ADAM12: variants seen among roughly 807,000 people sequenced by gnomAD.
ADAM12 encodes the protein ADAM metallopeptidase domain 12.
A neutral mutation model predicts 106.4 loss-of-function variants in ADAM12; 70 were observed. That is an observed-to-expected ratio of 0.66 (90% CI 0.54 to 0.80). The LOEUF (loss-of-function observed/expected upper bound fraction) is 0.80, where lower values mean the gene tolerates loss of function less well. Among genes scored for constraint, ADAM12 ranks in the 30% least tolerant of loss-of-function variants. The pLI, the probability that ADAM12 is intolerant of heterozygous loss-of-function variation, is 0.00. For synonymous variants in ADAM12, 420 were observed against 433.5 expected, an observed-to-expected ratio of 0.97 and a Z score of 0.39; for missense variants, 1,010 against 1,171.9, an observed-to-expected ratio of 0.86 and a Z score of 2.02.
chr10:126,335,995 T>C (rs929603258), intron 1 of ADAM12, among the ~76,000 whole-genome samples: 43 of 152,352 alleles, frequency 2.8e-4, no homozygotes, highest in Non-Finnish European at 5.4e-4. Context: ...TCTGAGGTAC[T>C]GTCACAGACA....
Position 126,279,078 on chromosome 10 carries a change from G to A in ADAM12, c.187-90C>T, listed in dbSNP as rs1959423735. Reference sequence around the variant, plus strand: ...AGACCCACAGGCGTAGTCAAATGAGGGAATAAACGATGCGGTCAACCTAAG... The same window carrying A: ...AGACCCACAGGCGTAGTCAAATGAGAGAATAAACGATGCGGTCAACCTAAG... On this transcript the variant is annotated intron_variant, in intron 2 of 22. Coordinates refer to ENST00000448723, the MANE Select transcript of ADAM12 (RefSeq NM_001288973.2). 7 of 947,962 alleles carry A rather than the reference G, an allele frequency of 7.4e-6. No individual in the cohort carries two copies. In the South Asian group the frequency reaches 9.9e-5, roughly 13 times the overall value. 58.7% of individuals were successfully genotyped at this position (947,962 alleles called of 1,614,324 possible).
Position 126,388,393 on chromosome 10 carries a change from T to C in ADAM12, c.-248A>G, listed in dbSNP as rs1441987762. The C allele has an allele frequency of 2.7e-6, 1 of 368,128 alleles. No individual in the cohort carries two copies. The highest frequency in any genetic ancestry group is 5.1e-5 in the Admixed American group (1 of 19,800). 22.8% of individuals were successfully genotyped at this position (368,128 alleles called of 1,614,324 possible). On this transcript the variant is annotated 5_prime_UTR_variant, in exon 1 of 23. Transcript: ENST00000448723. The surrounding 1 kb of genome is among the most constrained non-coding windows in gnomAD (Gnocchi z 4.4). ...GCGCCGTTCTGGCACAAGCCAGCCT[T>C]GACCGTTGCAATAAATGAGCAAACT...
At chr10:126,117,046 C>T (rs144452031) in intron 6 of ADAM12, among the ~76,000 whole-genome samples, 10 of 152,316 alleles carry the variant, frequency 6.6e-5, no homozygotes, top group African/African-American at 2.4e-4. Context: ...GACATCCTAT[C>T]TATAAATTTT....
intron 11 of ADAM12, chr10:126,090,841 C>T (rs1361447343): frequency 6.6e-6 from 1 of 152,198 alleles, no homozygotes; most frequent in Non-Finnish European, 1.5e-5. Flanking sequence ...AAAGAATAAA[C>T]AAGGTATATG....
intron 3 of ADAM12, among the ~76,000 whole-genome samples, chr10:126,185,693 G>C (rs1054158367): frequency 6.6e-5 from 10 of 151,990 alleles, no homozygotes; most frequent in Non-Finnish European, 1.0e-4. Flanking sequence ...GGAGCAATTA[G>C]AGAAACAGAG....
intron 8 of ADAM12, among the ~76,000 whole-genome samples, chr10:126,104,537 G>A (rs887114874): frequency 6.6e-6 from 1 of 152,022 alleles, no homozygotes; most frequent in African/African-American, 2.4e-5. Context: ...TGAATTTGCA[G>A]CTGACACTAA....
At chr10:126,263,665 G>A (rs1422119460) in intron 3 of ADAM12, among the ~76,000 whole-genome samples, 1 of 152,144 alleles carries the variant, frequency 6.6e-6, no homozygotes, top group Non-Finnish European at 1.5e-5. Context: ...ATTAATTTAT[G>A]TGTCCTTCAG....
intron 3 of ADAM12, chr10:126,272,844 C>T: frequency 2.4e-6 from 1 of 418,636 alleles, no homozygotes. Context: ...AGTGGATCTA[C>T]AATGGCTTCT....
At chr10:126,246,642 C>A (rs767419269) in intron 3 of ADAM12, among the ~76,000 whole-genome samples, 171 of 152,304 alleles carry the variant, frequency 1.1e-3, no homozygotes, top group South Asian at 2.7e-3. Context: ...ACCACATGAT[C>A]ATTTCAAAAG....
intron 19 of ADAM12, 22 bp downstream of exon 19, chr10:126,039,272 T>A (rs2133405685): frequency 6.2e-7 from 1 of 1,612,878 alleles, no homozygotes; most frequent in South Asian, 1.1e-5. Context: ...CTAGAACAGA[T>A]GACAAGCTAA....
intron 5 of ADAM12, among the ~76,000 whole-genome samples, chr10:126,130,104 T>TCC (rs1956276487): frequency 6.6e-6 from 1 of 152,190 alleles, no homozygotes; most frequent in Non-Finnish European, 1.5e-5. Context: ...TCTTAATATG[T>TCC]TTCTGGAGCA....
chr10:126,059,054 T>C (rs1278268), intron 14 of ADAM12, among the ~76,000 whole-genome samples: 61,884 of 152,050 alleles, frequency 0.41, 12,895 homozygotes, highest in East Asian at 0.51. Flanking sequence ...GGAATTTTGA[T>C]ACCATACTAT....
At chr10:126,138,572 C>T (rs558621709) in intron 4 of ADAM12, among the ~76,000 whole-genome samples, 2 of 152,228 alleles carry the variant, frequency 1.3e-5, no homozygotes, top group African/African-American at 4.8e-5. Context: ...GATGGAATTT[C>T]ACCATATTGG....
At chr10:126,273,615 G>A (rs1298659302) in intron 3 of ADAM12, among the ~76,000 whole-genome samples, 2 of 152,136 alleles carry the variant, frequency 1.3e-5, no homozygotes, top group East Asian at 3.9e-4. Context: ...GGATCCCGAA[G>A]GACCAGCCTG....
chr10:126,332,721 T>C (rs1284776023), intron 1 of ADAM12, among the ~76,000 whole-genome samples: 1 of 152,096 alleles, frequency 6.6e-6, no homozygotes, highest in Non-Finnish European at 1.5e-5. Flanking sequence ...AGACTTTCCT[T>C]TTCCGTAAAA....
At chr10:126,127,432 A>G (rs11244821) in intron 5 of ADAM12, among the ~76,000 whole-genome samples, 8,976 of 152,294 alleles carry the variant, frequency 0.059, 600 homozygotes, top group East Asian at 0.15. Context: ...GACCTTTGGG[A>G]GGGCACATCT....
At chr10:126,279,338 G>A (rs566011094) in intron 2 of ADAM12, among the ~76,000 whole-genome samples, 8 of 152,102 alleles carry the variant, frequency 5.3e-5, no homozygotes, top group African/African-American at 1.9e-4. Context: ...TGGCTGAGGC[G>A]AGAGATCACT....
chr10:126,180,893 C>A (rs933284303), intron 3 of ADAM12, among the ~76,000 whole-genome samples: 13 of 152,014 alleles, frequency 8.6e-5, no homozygotes, highest in Admixed American at 7.9e-4. Flanking sequence ...TAACAATCAG[C>A]CACACACATT....
intron 5 of ADAM12, among the ~76,000 whole-genome samples, chr10:126,131,729 C>T (rs1956308236): frequency 6.6e-6 from 1 of 152,212 alleles, no homozygotes; most frequent in South Asian, 2.1e-4. Flanking sequence ...TTGGACTTTC[C>T]AGGCTCAAGA....
Sources: allele counts gnomAD v4.1 joint callset (sites outside exome capture counted in the v4.1 genomes callset), GRCh38; gene constraint gnomAD v4.1.1; non-coding constraint Gnocchi (gnomAD v3.1); transcripts MANE v1.5; gene names NCBI Gene and HGNC (gene_info 2026-07-23, HGNC 2026-07-21).